Variants in SH3KBP1 observed in about 807,000 individuals in gnomAD.
SH3KBP1 encodes the protein SH3 domain containing kinase binding protein 1.
In SH3KBP1, 8 loss-of-function variants were observed where a neutral mutation model predicts 50.1. The ratio of observed to expected loss-of-function variants is 0.16; its 90% confidence interval spans 0.09 to 0.29. SH3KBP1 has a LOEUF of 0.29. SH3KBP1 is among the 10% of genes least tolerant of loss of function. The pLI, the probability that SH3KBP1 is intolerant of heterozygous loss-of-function variation, is 1.00. For missense variants in SH3KBP1, 377 were observed against 535.2 expected (o/e 0.70, Z 2.92); for synonymous variants, 227 against 218.6 (o/e 1.04, Z -0.34).
At chrX:19,861,938 A>G (rs766124528) in intron 1 of SH3KBP1, among the ~76,000 whole-genome samples, 4 of 112,102 alleles carry the variant, frequency 3.6e-5, no homozygotes, top group Non-Finnish European at 7.5e-5. Context: ...AACAAGCAAC[A>G]TGCCTGGAGC....
chrX:19,693,348 A>G lies in SH3KBP1; in HGVS notation c.520+2264T>C, dbSNP rs6629357. Among the ~76,000 whole-genome samples the G allele has an allele frequency of 2.2e-4, 25 of 112,151 alleles. No homozygotes were observed. In the East Asian group the frequency reaches 5.3e-3, roughly 24 times the overall value. ...ATAGAAGGAAGAAAGAAGGAAGGAG[A>G]GAAAGAAGGATGGATAGATAGATGG... On this transcript the variant is annotated intron_variant, in intron 5 of 17. Transcript: ENST00000397821.
At position 19,804,638 on chromosome X, in the gene SH3KBP1, CT is replaced by C. The variant is rs755631529; in HGVS notation, c.162+31486del. Among the ~76,000 whole-genome samples the C allele has an allele frequency of 3.8e-3, 394 of 104,068 alleles. 1 individual carries two copies. The highest frequency in any genetic ancestry group is 6.0e-3 in the African/African-American group (172 of 28,845). 90.4% of individuals were successfully genotyped at this position (104,068 alleles called of 115,157 possible). A position where few individuals can be genotyped will look rare whatever the true frequency, so the allele number is the denominator to read the frequency against. On this transcript the variant is annotated intron_variant, in intron 2 of 17. Coordinates refer to ENST00000397821, the MANE Select transcript of SH3KBP1 (RefSeq NM_031892.3). ...ATGTATTATCAAATGATTTCTATAGCTTTTTTTTTTTTCCCCAAATACCTGC... is the reference window on the plus strand; with the variant it reads ...ATGTATTATCAAATGATTTCTATAGCTTTTTTTTTTTCCCCAAATACCTGC...
At chrX:19,679,297 C>T (rs933545747) in intron 6 of SH3KBP1, among the ~76,000 whole-genome samples, 1 of 112,104 alleles carries the variant, frequency 8.9e-6, no homozygotes, top group Non-Finnish European at 1.9e-5. Flanking sequence ...ACTGTATCCT[C>T]AGTACTGAGC....
chrX:19,607,776 T>C (rs185556711), intron 9 of SH3KBP1, among the ~76,000 whole-genome samples, 162 bp downstream of exon 9: 387 of 112,084 alleles, frequency 3.5e-3, no homozygotes, highest in Non-Finnish European at 4.6e-3. Flanking sequence ...ATGCATCCTA[T>C]GATGAAACTT....
intron 8 of SH3KBP1, among the ~76,000 whole-genome samples, chrX:19,611,956 GA>G (rs3036638): frequency 0.023 from 879 of 37,995 alleles, 8 homozygotes; most frequent in African/African-American, 0.047. Flanking sequence ...AGCAGAAGTA[GA>G]AAAAAAAAAA....
chrX:19,606,252 A>G (rs1289750674), intron 9 of SH3KBP1, among the ~76,000 whole-genome samples: 1 of 112,253 alleles, frequency 8.9e-6, no homozygotes, highest in African/African-American at 3.2e-5. Flanking sequence ...GCTTAGAGAC[A>G]TTCAGTGACT....
chrX:19,782,991 C>G (rs1444086553), intron 2 of SH3KBP1, among the ~76,000 whole-genome samples: 1 of 111,810 alleles, frequency 8.9e-6, no homozygotes, highest in Non-Finnish European at 1.9e-5. Context: ...GGCGCGTGCA[C>G]AGGCACTGTG....
chrX:19,550,885 C>A (rs912580376), intron 13 of SH3KBP1, among the ~76,000 whole-genome samples: 6 of 111,020 alleles, frequency 5.4e-5, no homozygotes, highest in Admixed American at 9.6e-5. Flanking sequence ...AATTAACAAA[C>A]CCCTGTTATT....
Position 19,648,576 on chromosome X carries a change from ACT to A in SH3KBP1, c.727-3103_727-3102del, listed in dbSNP as rs200805942. Reference sequence around the variant, plus strand: ...ACTGCCCAGAAGGCTAAGCAGGCAGACTCTCATGACTGTATGAGCCTTCATAG... The same window carrying A: ...ACTGCCCAGAAGGCTAAGCAGGCAGACTCATGACTGTATGAGCCTTCATAG... On this transcript the variant is annotated intron_variant, in intron 6 of 17. Transcript: ENST00000397821. 8.1e-5 allele frequency among the ~76,000 whole-genome samples: 9 copies of A among 110,967 alleles called. No individual in the cohort carries two copies. The East Asian group carries it at 2.6e-3, about 32-fold the overall frequency.
At chrX:19,784,181 T>C (rs1569470688) in intron 2 of SH3KBP1, among the ~76,000 whole-genome samples, 1 of 112,042 alleles carries the variant, frequency 8.9e-6, no homozygotes, top group Non-Finnish European at 1.9e-5. Flanking sequence ...AGCATTTTTT[T>C]CTCTAATTCC....
intron 2 of SH3KBP1, among the ~76,000 whole-genome samples, chrX:19,800,787 C>T (rs919831254): frequency 3.6e-5 from 4 of 112,107 alleles, no homozygotes; most frequent in Non-Finnish European, 7.5e-5. Context: ...TTGAGATCAA[C>T]GATCAAATCC....
At chrX:19,600,849 G>GC (rs1483626147) in intron 9 of SH3KBP1, among the ~76,000 whole-genome samples, 1 of 110,603 alleles carries the variant, frequency 9.0e-6, no homozygotes, top group Admixed American at 9.6e-5. Flanking sequence ...GCAGGTAAGT[G>GC]CTAAAAAAAA....
intron 2 of SH3KBP1, among the ~76,000 whole-genome samples, chrX:19,754,872 T>C (rs1300876475): frequency 8.9e-6 from 1 of 112,049 alleles, no homozygotes; most frequent in Non-Finnish European, 1.9e-5. Context: ...AAAATTCATG[T>C]AGTCCCTAAC....
chrX:19,843,696 G>A (rs868563915), intron 1 of SH3KBP1, among the ~76,000 whole-genome samples: 9 of 111,724 alleles, frequency 8.1e-5, no homozygotes, highest in Non-Finnish European at 1.5e-4. Flanking sequence ...CAGCACACCT[G>A]TGGCTGGATG....
chrX:19,600,181 G>T (rs769348158), intron 9 of SH3KBP1, among the ~76,000 whole-genome samples: 1 of 107,863 alleles, frequency 9.3e-6, no homozygotes, highest in East Asian at 2.9e-4. Flanking sequence ...TCAGGAGTTT[G>T]AGAGCAGCCT....
chrX:19,654,628 C>T (rs967406651), intron 6 of SH3KBP1, among the ~76,000 whole-genome samples: 2 of 112,207 alleles, frequency 1.8e-5, no homozygotes, highest in African/African-American at 6.5e-5. Flanking sequence ...TGCCATCATG[C>T]TTTAAAATGT....
At chrX:19,823,262 G>C (rs2067579600) in intron 2 of SH3KBP1, among the ~76,000 whole-genome samples, 1 of 111,780 alleles carries the variant, frequency 8.9e-6, no homozygotes, top group African/African-American at 3.3e-5. Context: ...CAGTTCTGTA[G>C]GTCAAAAGTC....
intron 8 of SH3KBP1, among the ~76,000 whole-genome samples, chrX:19,622,250 G>A (rs189862753): frequency 8.7e-4 from 97 of 111,894 alleles, no homozygotes; most frequent in African/African-American, 3.1e-3. Context: ...GTTCAAGCTC[G>A]GTAATCATTT....
At chrX:19,579,859 C>T (rs191198349) in intron 12 of SH3KBP1, among the ~76,000 whole-genome samples, 57 of 111,652 alleles carry the variant, frequency 5.1e-4, no homozygotes, top group African/African-American at 1.8e-3. Flanking sequence ...TGCTTCCACC[C>T]GGAGGATGTT....
Sources: allele counts gnomAD v4.1 joint callset (sites outside exome capture counted in the v4.1 genomes callset), GRCh38; gene constraint gnomAD v4.1.1; transcripts MANE v1.5; gene names NCBI Gene and HGNC (gene_info 2026-07-23, HGNC 2026-07-21).